Variants in NKAIN2 observed in about 807,000 individuals in gnomAD.
The protein encoded by NKAIN2 is sodium/potassium transporting ATPase interacting 2.
NKAIN2 carries 14 observed loss-of-function variants against 32.6 expected under a neutral mutation model. The ratio of observed to expected loss-of-function variants is 0.43; its 90% CI spans 0.28 to 0.67. NKAIN2 has a LOEUF of 0.67. NKAIN2 is among the 30% of genes least tolerant of loss of function. NKAIN2 has a pLI of 0.17. For synonymous variants in NKAIN2, 80 were observed against 87.2 expected (o/e 0.92, Z 0.46); for missense variants, 198 against 258.3 (o/e 0.77, Z 1.60).
chr6:124,591,011 C>T (rs1464196904), intron 3 of NKAIN2, among the ~76,000 whole-genome samples: 2 of 152,206 alleles, frequency 1.3e-5, no homozygotes, highest in Non-Finnish European at 2.9e-5. Context: ...TCAACTGCAG[C>T]CATCACCAAC....
At chr6:124,800,516 A>G (rs2114829956) in intron 5 of NKAIN2, among the ~76,000 whole-genome samples, 1 of 152,334 alleles carries the variant, frequency 6.6e-6, no homozygotes. Flanking sequence ...CTTAAAGCTC[A>G]CAGGAGGTGC....
intron 3 of NKAIN2, among the ~76,000 whole-genome samples, chr6:124,591,739 A>T (rs1781921305): frequency 6.6e-6 from 1 of 152,100 alleles, no homozygotes; most frequent in Non-Finnish European, 1.5e-5. Flanking sequence ...TATATTCCAC[A>T]GTTCTTTCAC....
At chr6:124,674,347 T>G (rs1200933855) in intron 4 of NKAIN2, among the ~76,000 whole-genome samples, 2 of 151,976 alleles carry the variant, frequency 1.3e-5, no homozygotes, top group African/African-American at 4.8e-5. Flanking sequence ...TGTTGGGGTC[T>G]TTTTGGTTCC....
At chr6:123,953,612 A>G (rs1252819162) in intron 1 of NKAIN2, among the ~76,000 whole-genome samples, 1 of 152,050 alleles carries the variant, frequency 6.6e-6, no homozygotes, top group East Asian at 1.9e-4. Flanking sequence ...GCCCAACTTC[A>G]GGCCCCTGGT....
intron 1 of NKAIN2, among the ~76,000 whole-genome samples, chr6:123,822,391 A>G (rs1442544777): frequency 2.0e-5 from 3 of 152,196 alleles, no homozygotes; most frequent in African/African-American, 7.2e-5. Flanking sequence ...ATAAATATTT[A>G]TTGGATACAC....
intron 4 of NKAIN2, among the ~76,000 whole-genome samples, chr6:124,766,215 T>C (rs1220036390): frequency 6.6e-6 from 1 of 152,224 alleles, no homozygotes; most frequent in African/African-American, 2.4e-5. Context: ...TCTAGACTTA[T>C]AGGAGACTAT....
chr6:124,613,258 T>C (rs1003397494), intron 3 of NKAIN2, among the ~76,000 whole-genome samples: 3 of 152,190 alleles, frequency 2.0e-5, no homozygotes, highest in African/African-American at 7.2e-5. Flanking sequence ...TATCTTACCC[T>C]GATGCTATTA....
intron 1 of NKAIN2, among the ~76,000 whole-genome samples, chr6:124,148,967 C>T (rs1476011785): frequency 6.6e-6 from 1 of 152,126 alleles, no homozygotes; most frequent in Non-Finnish European, 1.5e-5. Context: ...CTCACCAACA[C>T]TTGTTATTGT....
intron 3 of NKAIN2, among the ~76,000 whole-genome samples, chr6:124,420,705 C>T (rs977743329): frequency 4.6e-5 from 7 of 151,962 alleles, no homozygotes; most frequent in Non-Finnish European, 7.4e-5. Flanking sequence ...ATTTGCTTTG[C>T]GGGGTCACAT....
intron 1 of NKAIN2, among the ~76,000 whole-genome samples, chr6:123,923,305 G>T (rs1775843832): frequency 6.6e-6 from 1 of 151,538 alleles, no homozygotes; most frequent in African/African-American, 2.4e-5. Flanking sequence ...TGGTTTGATG[G>T]TTTGTTTAGT....
chr6:124,001,580 C>A (rs1779878720), intron 1 of NKAIN2, among the ~76,000 whole-genome samples: 1 of 151,530 alleles, frequency 6.6e-6, no homozygotes, highest in South Asian at 2.1e-4. Flanking sequence ...CTAAAATACT[C>A]CATTAATGTT....
chr6:123,974,812 G>A (rs1404753584), intron 1 of NKAIN2, among the ~76,000 whole-genome samples: 1 of 152,076 alleles, frequency 6.6e-6, no homozygotes, highest in East Asian at 1.9e-4. Context: ...CATTTTAATG[G>A]AACTCAGAGA....
At chr6:124,547,970 G>T (rs770731086) in intron 3 of NKAIN2, among the ~76,000 whole-genome samples, 3 of 152,092 alleles carry the variant, frequency 2.0e-5, no homozygotes, top group Non-Finnish European at 4.4e-5. Flanking sequence ...TTTCAATACT[G>T]TCATACATCT....
chr6:124,561,126 T>C (rs1354652495), intron 3 of NKAIN2, among the ~76,000 whole-genome samples: 2 of 152,106 alleles, frequency 1.3e-5, no homozygotes, highest in Non-Finnish European at 2.9e-5. Context: ...GTAAACAGAA[T>C]GATTACTGAG....
chr6:124,319,171 A>G (rs1228463554), intron 2 of NKAIN2, among the ~76,000 whole-genome samples: 1 of 152,130 alleles, frequency 6.6e-6, no homozygotes, highest in Non-Finnish European at 1.5e-5. Context: ...TAGGAAAACT[A>G]TAGTCCAGAG....
rs538913584 is a variant in NKAIN2 at position 124,633,437 on chromosome 6, C to T, written c.274-24749C>T. On this transcript the variant is annotated intron_variant, in intron 3 of 6. Transcript: ENST00000368417. ...AATGAAAAGATTTATAGAGATTTTA[C>T]AAATTTATTGCTAATTAGTATTTCA... 3.3e-5 allele frequency among the ~76,000 whole-genome samples: 5 copies of T among 152,230 alleles called. No individual in the cohort carries two copies. In the South Asian group the frequency reaches 8.3e-4, roughly 25 times the overall value.
chr6:124,113,208 A>C lies in NKAIN2; in HGVS notation c.55-169797A>C, dbSNP rs571729535. The stretch of plus-strand genomic sequence containing the variant: ...CCAGGGATTCTGGTGGCCTCTATCA[A>C]CTCTTTTCCTCCCACAGGAAGGGAA... On this transcript the variant is annotated intron_variant, in intron 1 of 6. Transcript: ENST00000368417. Among the ~76,000 whole-genome samples, 32 of 151,490 alleles carry C rather than the reference A, an allele frequency of 2.1e-4. No individual in the cohort carries two copies. The East Asian group carries it at 2.5e-3, about 12-fold the overall frequency.
At chr6:124,549,699 C>T (rs1180366253) in intron 3 of NKAIN2, among the ~76,000 whole-genome samples, 1 of 152,106 alleles carries the variant, frequency 6.6e-6, no homozygotes, top group East Asian at 1.9e-4. Context: ...AGACTTTGAA[C>T]GTTTGAAGAA....
intron 1 of NKAIN2, among the ~76,000 whole-genome samples, chr6:124,205,149 A>G (rs1790799352): frequency 6.6e-6 from 1 of 151,854 alleles, no homozygotes; most frequent in South Asian, 2.1e-4. Context: ...CAAATGGTTT[A>G]TTGAAAATAG....
Sources: gnomAD v4.1 joint callset for allele counts (sites outside exome capture counted in the v4.1 genomes callset) on GRCh38, gnomAD v4.1.1 for gene constraint, MANE v1.5 for transcripts, NCBI Gene and HGNC (gene_info 2026-07-23, HGNC 2026-07-21) for gene names.